Variants in PAH observed in about 807,000 individuals in gnomAD.
PAH encodes phenylalanine hydroxylase, also known as phenylalanine-4-hydroxylase.
In PAH, 64 loss-of-function variants were observed where a neutral mutation model predicts 62.0. That is an observed-to-expected ratio of 1.03 (90% confidence interval 0.84 to 1.27). The LOEUF is 1.27. Ranked by LOEUF, PAH falls within the 50% of genes most tolerant of loss-of-function variation. The probability of loss-of-function intolerance (pLI) is 0.00; values close to 1 mark genes in which losing one functional copy is unlikely to be tolerated. For missense variants in PAH, 579 were observed against 542.8 expected (o/e 1.07, Z -0.66); for synonymous variants, 195 against 196.2 (o/e 0.99, Z 0.05).
intron 5 of PAH, among the ~76,000 whole-genome samples, chr12:102,865,074 A>G (rs1032604367): frequency 1.3e-5 from 2 of 152,188 alleles, no homozygotes; most frequent in Non-Finnish European, 2.9e-5. Context: ...CCAGCTATCT[A>G]TAGATGATTT....
At position 102,937,872 on chromosome 12, in the gene PAH, C is replaced by T. The variant is rs1047136176; in HGVS notation, c.-96+12717G>A. On this transcript the variant is annotated intron_variant, in intron 1 of 3. Transcript: ENST00000546844. Reference sequence around the variant, plus strand: ...GGATAAGTTTGGTGTTGATAAAATCCCTCAGGTTTTGTTTGTCTGGGAAAG... The same window carrying T: ...GGATAAGTTTGGTGTTGATAAAATCTCTCAGGTTTTGTTTGTCTGGGAAAG... Among the ~76,000 whole-genome samples the T allele has an allele frequency of 7.9e-5, 12 of 152,112 alleles. No homozygotes were observed. The East Asian group carries it at 2.3e-3, about 29-fold the overall frequency.
chr12:102,929,068 G>A (rs918780606), intron 1 of PAH, among the ~76,000 whole-genome samples: 4 of 152,084 alleles, frequency 2.6e-5, no homozygotes, highest in South Asian at 2.1e-4. Flanking sequence ...TCTTTTGCTC[G>A]GCACTTTTCC....
intron 1 of PAH, among the ~76,000 whole-genome samples, chr12:102,937,971 AG>A (rs1421890413): frequency 6.6e-6 from 1 of 152,072 alleles, no homozygotes; most frequent in African/African-American, 2.4e-5. Flanking sequence ...TTTTTTCCAG[AG>A]GGTAGGTGCC....
At chr12:102,866,754 TGACA>T in intron 4 of PAH, 91 bp from the exon 5 acceptor site, 1 of 985,720 alleles carries the variant, frequency 1.0e-6, no homozygotes, top group South Asian at 1.3e-5. Flanking sequence ...TCTCAAGCCA[TGACA>T]GTGCATGTCT....
At chr12:102,946,325 A>T (rs902577133) in intron 1 of PAH, among the ~76,000 whole-genome samples, 12 of 152,240 alleles carry the variant, frequency 7.9e-5, no homozygotes, top group Non-Finnish European at 1.8e-4. Flanking sequence ...GCATAGCGTC[A>T]GGACTTGCCT....
rs940514510 is a variant in PAH, at chr12:102,923,497, A to C, written c.-95-6272T>G. 5.3e-5 allele frequency: 8 copies of C among 152,206 alleles called. No individual in the cohort carries two copies. In the East Asian group the frequency reaches 1.5e-3, roughly 29 times the overall value. The allele number at this position is 152,206 out of a possible 1,614,324, so 9.4% of individuals were successfully genotyped here. A position where few individuals can be genotyped will look rare whatever the true frequency, so the allele number is the denominator to read the frequency against. ...AGTTGCTTGAACCAAGAACATTTATAAATTTATTGCTGTGGGACCAGAACA... is the reference window on the plus strand; with the variant it reads ...AGTTGCTTGAACCAAGAACATTTATCAATTTATTGCTGTGGGACCAGAACA... On this transcript the variant is annotated intron_variant, in intron 1 of 3. Transcript: ENST00000546844.
Position 102,866,701 on chromosome 12 carries a change from T to C in PAH, c.442-38A>G, listed in dbSNP as rs766176631. ...AGACACCTGATTTTTCAAGGCTTCA[T>C]AGGAAGAGGTCTGGTACCTTTATGA... On this transcript the variant is annotated intron_variant, in intron 4 of 12. Transcript: ENST00000553106. The C allele has an allele frequency of 9.2e-6, 14 of 1,517,408 alleles. No homozygotes were observed. In the South Asian group the frequency reaches 1.0e-4, roughly 11 times the overall value. The allele number at this position is 1,517,408 out of a possible 1,614,324, so 94.0% of individuals were successfully genotyped here.
At chr12:102,844,548 T>C in intron 9 of PAH, 117 bp from the exon 10 acceptor site, 1 of 678,686 alleles carries the variant, frequency 1.5e-6, no homozygotes, top group Non-Finnish European at 2.6e-6. Context: ...GGTGTGTCTA[T>C]GTCTATGAGG....
intron 7 of PAH, 46 bp from the exon 8 acceptor site, chr12:102,851,802 G>A: frequency 6.8e-7 from 1 of 1,466,698 alleles, no homozygotes; most frequent in East Asian, 2.3e-5. Flanking sequence ...GGAGGTTTAA[G>A]CCAAGCCAGA....
chr12:102,930,595 G>A (rs1220626946), intron 1 of PAH, among the ~76,000 whole-genome samples: 2 of 152,166 alleles, frequency 1.3e-5, no homozygotes, highest in Admixed American at 6.5e-5. Context: ...TTGTTTTGCT[G>A]GCTGTCTAGG....
rs1879950749 is a variant in PAH at position 102,957,457 on chromosome 12, G to A, written c.-96+738C>T. On this transcript the variant is annotated intron_variant, in intron 1 of 4. Coordinates refer to the PAH transcript ENST00000551337. The surrounding 1 kb of genome is among the most constrained non-coding windows in gnomAD (Gnocchi z 4.1). ...CTGCAACAACAAACCCAGCTGAATGGAGAGTTTGCAAGGAGCGGGAGAAAG... is the reference window on the plus strand; with the variant it reads ...CTGCAACAACAAACCCAGCTGAATGAAGAGTTTGCAAGGAGCGGGAGAAAG... 6.6e-6 allele frequency among the ~76,000 whole-genome samples: 1 copy of A among 151,438 alleles called. No homozygotes were observed. The highest frequency in any genetic ancestry group is 2.4e-5 in the African/African-American group (1 of 41,112).
intron 1 of PAH, among the ~76,000 whole-genome samples, chr12:102,926,627 A>G (rs1475628800): frequency 2.0e-5 from 3 of 151,938 alleles, no homozygotes; most frequent in Non-Finnish European, 2.9e-5. Flanking sequence ...TCCAGAGACT[A>G]TTTTTCAAGA....
chr12:102,856,630 C>G (rs960476860), intron 5 of PAH, among the ~76,000 whole-genome samples: 2 of 152,190 alleles, frequency 1.3e-5, no homozygotes, highest in African/African-American at 4.8e-5. Flanking sequence ...CCCTCTGAGA[C>G]AAAGCTTCCA....
At chr12:102,866,897 T>C (rs1286993426) in intron 4 of PAH, among the ~76,000 whole-genome samples, 1 of 152,230 alleles carries the variant, frequency 6.6e-6, no homozygotes, top group Non-Finnish European at 1.5e-5. Flanking sequence ...GATTCCAATG[T>C]GCATGATCTG....
intron 1 of PAH, among the ~76,000 whole-genome samples, chr12:102,943,384 A>C (rs772777304): frequency 5.3e-5 from 8 of 152,126 alleles, no homozygotes; most frequent in Admixed American, 3.3e-4. Context: ...ATCTCACACT[A>C]ATCAGAATGG....
chr12:102,882,541 A>G (rs1876855117), intron 3 of PAH, among the ~76,000 whole-genome samples: 1 of 151,522 alleles, frequency 6.6e-6, no homozygotes, highest in South Asian at 2.1e-4. Context: ...AGTAGACAGT[A>G]TTACTGCTCA....
chr12:102,877,241 G>A (rs1301214280), intron 4 of PAH: 1 of 596,914 alleles, frequency 1.7e-6, no homozygotes, highest in Non-Finnish European at 3.0e-6. Context: ...ATAGTTTCTG[G>A]ACAGTGATTT....
At chr12:102,952,074 T>G (rs548193009), upstream of PAH, among the ~76,000 whole-genome samples, 6 of 152,242 alleles carry the variant, frequency 3.9e-5, no homozygotes, top group East Asian at 1.2e-3. Flanking sequence ...TTCTTGCGGC[T>G]CAAAGATTCA....
At chr12:102,850,384 G>A (rs1185515200) in intron 8 of PAH, among the ~76,000 whole-genome samples, 1 of 152,074 alleles carries the variant, frequency 6.6e-6, no homozygotes, top group African/African-American at 2.4e-5. Flanking sequence ...CCACTTTTTT[G>A]TTTGTTTGTT....
Sources: gnomAD v4.1 joint callset for allele counts (sites outside exome capture counted in the v4.1 genomes callset) on GRCh38, gnomAD v4.1.1 for gene constraint, Gnocchi (gnomAD v3.1) non-coding constraint, MANE v1.5 for transcripts, NCBI Gene and HGNC (gene_info 2026-07-23, HGNC 2026-07-21) for gene names.